The following RBMS3 variants were observed in gnomAD, a reference collection of about 807,000 sequenced individuals.
The protein encoded by RBMS3 is RNA binding motif single stranded interacting protein 3.
A neutral mutation model predicts 66.8 loss-of-function variants in RBMS3; 27 were observed. The observed-to-expected ratio is 0.40, with a 90% confidence interval of 0.30 to 0.56. The LOEUF is 0.56. RBMS3 is among the 20% of genes least tolerant of loss of function. The pLI, the probability that RBMS3 is intolerant of heterozygous loss-of-function variation, is 0.40. For missense variants in RBMS3, 513 were observed against 549.5 expected, an observed-to-expected ratio of 0.93 and a Z score of 0.66; for synonymous variants, 188 against 183.0, an observed-to-expected ratio of 1.03 and a Z score of -0.22.
At chr3:29,640,415 CA>C (rs1310881725) in intron 4 of RBMS3, among the ~76,000 whole-genome samples, 1 of 151,842 alleles carries the variant, frequency 6.6e-6, no homozygotes, top group African/African-American at 2.4e-5. Flanking sequence ...CATTCTTAGA[CA>C]TTTTAAACAA....
intron 3 of RBMS3, among the ~76,000 whole-genome samples, chr3:29,528,176 G>C (rs2045210298): frequency 7.1e-6 from 1 of 141,180 alleles, no homozygotes; most frequent in Non-Finnish European, 1.5e-5. Context: ...GCAATGGCAT[G>C]ATCTAGGCTC....
At chr3:29,458,965 A>G (rs1559378233) in intron 2 of RBMS3, among the ~76,000 whole-genome samples, 1 of 152,184 alleles carries the variant, frequency 6.6e-6, no homozygotes, top group Non-Finnish European at 1.5e-5. Flanking sequence ...TTCCTATTAC[A>G]TCATGATGTG....
chr3:29,549,711 T>C (rs142027183), intron 3 of RBMS3, among the ~76,000 whole-genome samples: 1 of 152,056 alleles, frequency 6.6e-6, no homozygotes, highest in Non-Finnish European at 1.5e-5. Context: ...TTTAAAAACA[T>C]TAACCAGAAA....
chr3:29,556,407 T>C (rs2046364842), intron 3 of RBMS3: 1 of 152,110 alleles, frequency 6.6e-6, no homozygotes, highest in African/African-American at 2.4e-5. Context: ...ATCAAGACCA[T>C]CCTGGCTAAC....
At chr3:30,003,522 A>AT (rs1559882368) in intron 14 of RBMS3, among the ~76,000 whole-genome samples, 3 of 152,032 alleles carry the variant, frequency 2.0e-5, no homozygotes, top group Admixed American at 6.6e-5. Flanking sequence ...TTGGGTGCAT[A>AT]GTAAAGAATC....
At chr3:29,514,729 C>A in intron 3 of RBMS3, among the ~76,000 whole-genome samples, 1 of 129,356 alleles carries the variant, frequency 7.7e-6, no homozygotes. Flanking sequence ...ATATGATAAG[C>A]ATATATATAT....
At position 29,936,074 on chromosome 3, in the gene RBMS3, A is replaced by G. The variant is rs562359767; in HGVS notation, c.940-12A>G. ...GGATATATTTTCAAATGGACATTGT[A>G]TATGCTTGTAGGGTGCTGTGATTAC... On this transcript the variant is annotated splice_polypyrimidine_tract_variant and intron_variant, in intron 10 of 14. Transcript: ENST00000383767. 147 of 1,606,462 alleles carry G rather than the reference A, an allele frequency of 9.2e-5. No individual in the cohort carries two copies. The South Asian group carries it at 1.1e-3, about 12-fold the overall frequency.
intron 4 of RBMS3, among the ~76,000 whole-genome samples, chr3:29,588,145 C>T (rs2047598911): frequency 6.6e-6 from 1 of 151,966 alleles, no homozygotes; most frequent in Non-Finnish European, 1.5e-5. Flanking sequence ...AAAGTCAAAA[C>T]AATTGTTTAT....
intron 8 of RBMS3, among the ~76,000 whole-genome samples, chr3:29,886,852 TG>T (rs1354343403): frequency 6.6e-6 from 1 of 151,668 alleles, no homozygotes; most frequent in Non-Finnish European, 1.5e-5. Context: ...GAGTGGCCAA[TG>T]TATGAATGGA....
At chr3:29,556,076 C>G (rs534886337) in intron 3 of RBMS3, among the ~76,000 whole-genome samples, 3 of 151,856 alleles carry the variant, frequency 2.0e-5, no homozygotes, top group Non-Finnish European at 4.4e-5. Context: ...TCAAAATATG[C>G]ATTGTATTAT....
intron 10 of RBMS3, among the ~76,000 whole-genome samples, chr3:29,912,608 G>T (rs571862297): frequency 6.6e-6 from 1 of 152,132 alleles, no homozygotes; most frequent in South Asian, 2.1e-4. Flanking sequence ...CATCTGTAGA[G>T]AGAAACATTT....
At chr3:29,900,078 G>A (rs997597611) in intron 10 of RBMS3, among the ~76,000 whole-genome samples, 3 of 151,672 alleles carry the variant, frequency 2.0e-5, no homozygotes, top group African/African-American at 7.3e-5. Context: ...TATGCATGAG[G>A]AATTTCTGCT....
intron 6 of RBMS3, 58 bp from the exon 7 acceptor site, chr3:29,868,800 A>C: frequency 2.2e-6 from 3 of 1,378,466 alleles, no homozygotes; most frequent in Middle Eastern, 1.8e-4. Context: ...TGACTCACAT[A>C]ATCACTTAGT....
chr3:29,604,579 C>T (rs1013451787), intron 4 of RBMS3, among the ~76,000 whole-genome samples: 3 of 151,862 alleles, frequency 2.0e-5, no homozygotes, highest in Admixed American at 1.3e-4. Flanking sequence ...AACTAAATGT[C>T]GTGGGAAAGA....
At chr3:29,947,978 T>A (rs527555733) in intron 12 of RBMS3, among the ~76,000 whole-genome samples, 5 of 151,246 alleles carry the variant, frequency 3.3e-5, no homozygotes, top group South Asian at 2.1e-4. Context: ...AATTTTTTTT[T>A]AAAAAAGAAA....
At position 29,961,879 on chromosome 3, in the gene RBMS3, A is replaced by T. The variant is rs1161629777; in HGVS notation, c.1098+17625A>T. Reference sequence around the variant, plus strand: ...ACACAGCAAAATCTAATCAGGAGGGAGTTAAACTGACAGTAGACATTTTAG... The same window carrying T: ...ACACAGCAAAATCTAATCAGGAGGGTGTTAAACTGACAGTAGACATTTTAG... On this transcript the variant is annotated intron_variant, in intron 12 of 14. Transcript: ENST00000383767. Among the ~76,000 whole-genome samples the T allele has an allele frequency of 2.6e-5, 4 of 151,376 alleles. No individual in the cohort carries two copies. In the East Asian group the frequency reaches 7.8e-4, roughly 29 times the overall value.
At chr3:29,684,876 C>T (rs1299255095) in intron 4 of RBMS3, among the ~76,000 whole-genome samples, 1 of 151,588 alleles carries the variant, frequency 6.6e-6, no homozygotes, top group Non-Finnish European at 1.5e-5. Context: ...AACATTTTTT[C>T]CCTTTAGTAT....
chr3:29,447,430 G>A lies in RBMS3; in HGVS notation c.248+12515G>A, dbSNP rs2041871352. On this transcript the variant is annotated intron_variant, in intron 2 of 14. Transcript: ENST00000383767. ...TTTCTATTCTCTGTCACATCATTAT[G>A]AGGGCCATTTTGGCACCAGAATGCC... Among the ~76,000 whole-genome samples, 3 of 152,190 alleles carry A rather than the reference G, an allele frequency of 2.0e-5. No homozygotes were observed. In the South Asian group the frequency reaches 6.2e-4, roughly 32 times the overall value.
intron 6 of RBMS3, among the ~76,000 whole-genome samples, chr3:29,793,519 CCTCT>C (rs1334430033): frequency 1.3e-5 from 2 of 152,078 alleles, no homozygotes; most frequent in Non-Finnish European, 2.9e-5. Context: ...CAAATAATAT[CCTCT>C]CTAATTTAAG....
Sources: gnomAD v4.1 joint callset for allele counts (sites outside exome capture counted in the v4.1 genomes callset) on GRCh38, gnomAD v4.1.1 for gene constraint, MANE v1.5 for transcripts, NCBI Gene and HGNC (gene_info 2026-07-23, HGNC 2026-07-21) for gene names.